ESR1: variants seen among roughly 807,000 people sequenced by gnomAD.
ESR1 encodes the protein estrogen receptor.
A neutral mutation model predicts 52.7 loss-of-function variants in ESR1; 12 were observed. The ratio of observed to expected loss-of-function variants is 0.23; its 90% confidence interval spans 0.15 to 0.37. The LOEUF (loss-of-function observed/expected upper bound fraction) is 0.37. Among genes scored for constraint, ESR1 ranks in the 10% least tolerant of loss-of-function variants. The pLI, the probability that ESR1 is intolerant of heterozygous loss-of-function variation, is 1.00. For missense variants in ESR1, 584 were observed against 779.7 expected, an observed-to-expected ratio of 0.75 and a Z score of 2.99; for synonymous variants, 305 against 316.8, an observed-to-expected ratio of 0.96 and a Z score of 0.39.
At chr6:152,082,387 A>C (rs538309526) in intron 6 of ESR1, among the ~76,000 whole-genome samples, 1 of 152,360 alleles carries the variant, frequency 6.6e-6, no homozygotes, top group South Asian at 2.1e-4. Context: ...ATAGATGCAG[A>C]AAAGGCCTTT....
At chr6:152,067,198 G>T (rs1285404718) in intron 6 of ESR1, among the ~76,000 whole-genome samples, 1 of 152,178 alleles carries the variant, frequency 6.6e-6, no homozygotes, top group Non-Finnish European at 1.5e-5. Context: ...AAATGGTGTG[G>T]ATTTGCTCCT....
Position 151,880,749 on chromosome 6 carries a change from C to T in ESR1, c.738C>T (p.Tyr246=), listed in dbSNP as rs970273955. Residue 246 remains tyrosine, a synonymous_variant, in exon 3 of 8, where the codon TAC becomes TAT. Transcript: ENST00000206249. ...AGGCCTGCCGGCTCCGTAAATGCTA[C>T]GAAGTGGGAATGATGAAAGGTGGTA... ...SCQACRLRKC[Y]EVGMMKGGIR... 46 of 1,598,724 alleles carry T rather than the reference C, an allele frequency of 2.9e-5. No homozygotes were observed. Among genetic ancestry groups the T allele is most frequent in the Non-Finnish European group, 3.6e-5 (42 of 1,165,990 alleles).
intron 6 of ESR1, among the ~76,000 whole-genome samples, chr6:152,110,564 ATAAT>A (rs1236961635): frequency 6.6e-6 from 1 of 152,272 alleles, no homozygotes; most frequent in African/African-American, 2.4e-5. Context: ...AACAGGAAAA[ATAAT>A]GAATGGGTAC....
chr6:151,759,811 C>T lies in ESR1; in HGVS notation c.-70-48032C>T, dbSNP rs150417542. ...GAACAGACCTTCCTCAGGGGTCCTT[C>T]TTAGGAAAGTACAGCTTTGCTTCTC... On this transcript the variant is annotated intron_variant, in intron 2 of 2. Transcript: ENST00000404742. Among the ~76,000 whole-genome samples the T allele has an allele frequency of 2.5e-3, 374 of 152,282 alleles. 5 individuals are homozygous for T. The highest frequency in any genetic ancestry group is 8.7e-3 in the East Asian group (45 of 5,176).
At chr6:151,842,887 C>A in intron 2 of ESR1, 100 bp downstream of exon 2, 1 of 1,021,154 alleles carries the variant, frequency 9.8e-7, no homozygotes, top group South Asian at 1.4e-5. Context: ...GCCATTTGTA[C>A]AAAACATGAA....
At chr6:151,784,612 G>T (rs1786845760) in intron 2 of ESR1, among the ~76,000 whole-genome samples, 1 of 152,180 alleles carries the variant, frequency 6.6e-6, no homozygotes, top group Admixed American at 6.5e-5. Flanking sequence ...TAGGCAACAT[G>T]TGACTCAGAG....
At chr6:152,124,542 T>A (rs926187557) in intron 6 of ESR1, among the ~76,000 whole-genome samples, 1 of 152,172 alleles carries the variant, frequency 6.6e-6, no homozygotes, top group Non-Finnish European at 1.5e-5. Context: ...TCTTCTAACT[T>A]TAAAGTTTAC....
intron 2 of ESR1, among the ~76,000 whole-genome samples, chr6:151,859,467 A>G (rs1295826168): frequency 6.6e-6 from 1 of 152,168 alleles, no homozygotes; most frequent in Admixed American, 6.5e-5. Flanking sequence ...TTTCAATGGA[A>G]GGTTTACTTG....
intron 6 of ESR1, among the ~76,000 whole-genome samples, chr6:152,113,574 T>TTGTGTGTG (rs149373494): frequency 3.5e-4 from 52 of 149,318 alleles, no homozygotes; most frequent in African/African-American, 1.2e-3. Context: ...AGATCTCATA[T>TTGTGTGTG]TGTGTGTGTG....
At chr6:151,793,542 A>G (rs1776406430) in intron 2 of ESR1, among the ~76,000 whole-genome samples, 2 of 152,212 alleles carry the variant, frequency 1.3e-5, no homozygotes, top group Non-Finnish European at 2.9e-5. Flanking sequence ...GTATTGCCAG[A>G]CTTTTATACA....
intron 4 of ESR1, among the ~76,000 whole-genome samples, chr6:151,985,046 C>G (rs1353666539): frequency 6.6e-6 from 1 of 151,988 alleles, no homozygotes; most frequent in African/African-American, 2.4e-5. Context: ...AATAGCATAT[C>G]AATGTATGTA....
intron 3 of ESR1, among the ~76,000 whole-genome samples, chr6:151,899,269 C>T (rs1425850583): frequency 1.4e-5 from 2 of 141,268 alleles, no homozygotes; most frequent in Non-Finnish European, 1.6e-5. Flanking sequence ...CCCCACCTCC[C>T]TCCCGGACGG....
chr6:152,120,376 G>A (rs1488213992), intron 6 of ESR1, among the ~76,000 whole-genome samples: 2 of 152,160 alleles, frequency 1.3e-5, no homozygotes, highest in South Asian at 2.1e-4. Context: ...GCTGCTCACA[G>A]CCTCTCCAGA....
chr6:151,729,828 C>G (rs1301568055), intron 2 of ESR1, among the ~76,000 whole-genome samples: 1 of 152,148 alleles, frequency 6.6e-6, no homozygotes, highest in Non-Finnish European at 1.5e-5. Context: ...TGGCTCACAT[C>G]TGTAATCCTA....
chr6:152,047,070 TCA>T (rs1242493678), intron 5 of ESR1, among the ~76,000 whole-genome samples: 1 of 152,156 alleles, frequency 6.6e-6, no homozygotes, highest in Non-Finnish European at 1.5e-5. Flanking sequence ...ATCTTGTCAC[TCA>T]CGCCTTCATT....
chr6:151,727,506 T>G (rs187820182), intron 2 of ESR1, among the ~76,000 whole-genome samples: 40 of 152,298 alleles, frequency 2.6e-4, no homozygotes, highest in African/African-American at 9.1e-4. Context: ...CTGGCTGGAT[T>G]CATTAATTTT....
intron 6 of ESR1, among the ~76,000 whole-genome samples, chr6:152,063,375 A>C (rs903113725): frequency 7.9e-5 from 12 of 152,208 alleles, no homozygotes; most frequent in Non-Finnish European, 1.6e-4. Flanking sequence ...TCAGGAGAGC[A>C]GTAAGCAAAC....
upstream of ESR1, chr6:151,805,785 G>A (rs1050272781): frequency 2.0e-5 from 3 of 152,254 alleles, no homozygotes; most frequent in African/African-American, 7.2e-5. Context: ...ACAAGCCCAT[G>A]GAACATTTCT....
intron 2 of ESR1, among the ~76,000 whole-genome samples, chr6:151,797,993 A>T (rs1776871228): frequency 6.6e-6 from 1 of 152,182 alleles, no homozygotes; most frequent in Non-Finnish European, 1.5e-5. Context: ...TTAAATTAAG[A>T]CCTTGAGCAA....
Sources: allele counts gnomAD v4.1 joint callset (sites outside exome capture counted in the v4.1 genomes callset), GRCh38; gene constraint gnomAD v4.1.1; transcripts MANE v1.5; gene names NCBI Gene and HGNC (gene_info 2026-07-23, HGNC 2026-07-21).